The following ATP11B variants were observed in gnomAD, a reference collection of about 807,000 sequenced individuals.
ATP11B encodes phospholipid-transporting ATPase IF.
In ATP11B, 81 loss-of-function variants were observed where a neutral mutation model predicts 157.8. The ratio of observed to expected loss-of-function variants is 0.51; its 90% CI spans 0.43 to 0.62. The LOEUF (loss-of-function observed/expected upper bound fraction) is 0.62. ATP11B is among the 20% of genes least tolerant of loss of function. The probability of loss-of-function intolerance (pLI) is 0.00; values close to 1 mark genes in which losing one functional copy is unlikely to be tolerated. For synonymous variants in ATP11B, 451 were observed against 469.4 expected (o/e 0.96, Z 0.51); for missense variants, 1,165 against 1,402.2 (o/e 0.83, Z 2.70).
At chr3:182,833,149 A>C (rs79954817) in intron 4 of ATP11B, among the ~76,000 whole-genome samples, 1,697 of 152,298 alleles carry the variant, frequency 0.011, 14 homozygotes, top group Middle Eastern at 0.02. Flanking sequence ...AATAGAAGTA[A>C]ATACAGATGA....
chr3:182,885,835 C>G, intron 22 of ATP11B, 116 bp from the exon 23 acceptor site: 1 of 606,350 alleles, frequency 1.6e-6, no homozygotes, highest in Non-Finnish European at 2.7e-6. Flanking sequence ...TTATCCTTTA[C>G]TTACCATACC....
intron 1 of ATP11B, among the ~76,000 whole-genome samples, chr3:182,807,267 G>A (rs899084661): frequency 6.6e-6 from 1 of 152,064 alleles, no homozygotes; most frequent in African/African-American, 2.4e-5. Flanking sequence ...AGTGTGATAA[G>A]ACTACAGAAT....
intron 13 of ATP11B, 96 bp from the exon 14 acceptor site, chr3:182,866,172 G>C: frequency 1.1e-6 from 1 of 892,894 alleles, no homozygotes; most frequent in Non-Finnish European, 1.6e-6. Context: ...CAAGGTTGTA[G>C]CACTCTTGTT....
intron 19 of ATP11B, among the ~76,000 whole-genome samples, chr3:182,875,907 A>T (rs1167135031): frequency 6.6e-6 from 1 of 152,230 alleles, no homozygotes; most frequent in Non-Finnish European, 1.5e-5. Context: ...CCTAAAACAC[A>T]GAAATTAATT....
chr3:182,861,895 G>GT, intron 12 of ATP11B, among the ~76,000 whole-genome samples: 1 of 150,874 alleles, frequency 6.6e-6, no homozygotes, highest in East Asian at 1.9e-4. Context: ...AGTGAACCCT[G>GT]GTCACACCAC....
intron 4 of ATP11B, among the ~76,000 whole-genome samples, chr3:182,833,192 C>A (rs1718284793): frequency 6.6e-6 from 1 of 151,942 alleles, no homozygotes; most frequent in Non-Finnish European, 1.5e-5. Flanking sequence ...GGGAATTAAT[C>A]AGTTAATCTA....
At chr3:182,905,929 C>G (rs539386029) in intron 28 of ATP11B, 1 of 454,740 alleles carries the variant, frequency 2.2e-6, no homozygotes, top group South Asian at 1.6e-5. Flanking sequence ...GGTAGTACTG[C>G]GCTGGACCTT....
chr3:182,859,118 C>T, intron 11 of ATP11B, 44 bp from the exon 12 acceptor site: 4 of 1,436,052 alleles, frequency 2.8e-6, no homozygotes, highest in Non-Finnish European at 3.8e-6. Context: ...TGAAGAAATT[C>T]TAGTTTATTT....
chr3:182,888,699 TTTTATTTA>T (rs557212368), intron 24 of ATP11B, among the ~76,000 whole-genome samples: 2 of 151,232 alleles, frequency 1.3e-5, no homozygotes, highest in African/African-American at 4.9e-5. Context: ...TTTTTAAACT[TTTTATTTA>T]TTTATTTATT....
chr3:182,827,094 A>G (rs573781324), intron 2 of ATP11B, among the ~76,000 whole-genome samples: 1 of 152,322 alleles, frequency 6.6e-6, no homozygotes, highest in East Asian at 1.9e-4. Flanking sequence ...GAGATAGAAC[A>G]GTAAATAAAA....
intron 4 of ATP11B, 101 bp downstream of exon 4, chr3:182,829,853 A>T (rs1717994819): frequency 1.4e-6 from 2 of 1,411,294 alleles, no homozygotes; most frequent in South Asian, 3.0e-5. Context: ...AATAATTTCC[A>T]TAAGAAAGCA....
intron 21 of ATP11B, among the ~76,000 whole-genome samples, chr3:182,882,470 T>C (rs1365857881): frequency 2.0e-5 from 3 of 151,462 alleles, no homozygotes; most frequent in African/African-American, 4.9e-5. Context: ...ACAAATTATT[T>C]AGTAGAAAAA....
chr3:182,818,266 A>AT (rs1244638872), intron 1 of ATP11B, among the ~76,000 whole-genome samples: 1 of 152,238 alleles, frequency 6.6e-6, no homozygotes, highest in Non-Finnish European at 1.5e-5. Context: ...CTTTTGAGAA[A>AT]TACAGCCCTA....
At chr3:182,806,128 G>A (rs1238570430) in intron 1 of ATP11B, among the ~76,000 whole-genome samples, 1 of 152,152 alleles carries the variant, frequency 6.6e-6, no homozygotes, top group African/African-American at 2.4e-5. Flanking sequence ...TGGGAATTTA[G>A]CTAGATACAG....
chr3:182,902,573 TAGG>T (rs1242453315), intron 28 of ATP11B: 17 of 1,287,058 alleles, frequency 1.3e-5, no homozygotes, highest in South Asian at 3.7e-5. Flanking sequence ...TTAGGTAGAG[TAGG>T]AGGAGTAGAG....
At position 182,833,310 on chromosome 3, in the gene ATP11B, G is replaced by T. The variant is rs185503552; in HGVS notation, c.316-2725G>T. ...AATGAAACTGAAAAATTTGTGTTCTGTGTAACAAAGGGCCTATGTCCTTAA... is the reference window on the plus strand; with the variant it reads ...AATGAAACTGAAAAATTTGTGTTCTTTGTAACAAAGGGCCTATGTCCTTAA... On this transcript the variant is annotated intron_variant, in intron 4 of 29. Transcript: ENST00000323116. 1.1e-3 allele frequency among the ~76,000 whole-genome samples: 164 copies of T among 152,164 alleles called. 1 individual carries two copies. The highest frequency in any genetic ancestry group is 2.0e-3 in the Admixed American group (31 of 15,274).
chr3:182,882,282 A>C (rs1722479627), intron 21 of ATP11B, among the ~76,000 whole-genome samples: 1 of 152,120 alleles, frequency 6.6e-6, no homozygotes, highest in Non-Finnish European at 1.5e-5. Context: ...TTTTCCATAA[A>C]TTTTCATAGC....
intron 28 of ATP11B, among the ~76,000 whole-genome samples, chr3:182,899,303 C>T (rs186752328): frequency 2.0e-5 from 3 of 151,932 alleles, no homozygotes; most frequent in African/African-American, 4.8e-5. Context: ...CAGGCACCTG[C>T]CTCCACACCT....
chr3:182,916,234 A>G lies in ATP11B; in HGVS notation c.3453-1789A>G, dbSNP rs185422037. Reference sequence around the variant, plus strand: ...ATTTCCATTGTGACTTTAGAGTAGCATCTATTCTATGTTTCTATTTCATGT... The same window carrying G: ...ATTTCCATTGTGACTTTAGAGTAGCGTCTATTCTATGTTTCTATTTCATGT... On this transcript the variant is annotated intron_variant, in intron 29 of 29. Coordinates refer to ENST00000323116, the MANE Select transcript of ATP11B (RefSeq NM_014616.3). The G allele has an allele frequency of 5.1e-6, 5 of 985,226 alleles. No homozygotes were observed. The African/African-American group carries it at 8.7e-5, about 17-fold the overall frequency. 61.0% of individuals were successfully genotyped at this position (985,226 alleles called of 1,614,324 possible). A position where few individuals can be genotyped will look rare whatever the true frequency, so the allele number is the denominator to read the frequency against.
Sources: allele counts gnomAD v4.1 joint callset (sites outside exome capture counted in the v4.1 genomes callset), GRCh38; gene constraint gnomAD v4.1.1; transcripts MANE v1.5; gene names NCBI Gene and HGNC (gene_info 2026-07-23, HGNC 2026-07-21).